ABCB5: variants seen among roughly 807,000 people sequenced by gnomAD.
ABCB5 encodes the protein ATP binding cassette subfamily B member 5.
In ABCB5, 155 loss-of-function variants were observed where a neutral mutation model predicts 144.2. That is an observed-to-expected ratio of 1.08 (90% CI 0.94 to 1.23). The LOEUF is 1.23. ABCB5 is among the 50% of genes most tolerant of loss of function. The probability of loss-of-function intolerance (pLI) is 0.00; values close to 1 mark genes in which losing one functional copy is unlikely to be tolerated. For missense variants in ABCB5, 1,830 were observed against 1,520.8 expected, an observed-to-expected ratio of 1.20 and a Z score of -3.38; for synonymous variants, 610 against 528.6, an observed-to-expected ratio of 1.15 and a Z score of -2.11.
At chr7:20,743,175 A>G (rs1040835161) in intron 25 of ABCB5, 101 bp downstream of exon 25, 76 of 1,263,440 alleles carry the variant, frequency 6.0e-5, no homozygotes, top group Non-Finnish European at 8.2e-5. Context: ...TGGGGCAAAC[A>G]ATGCAGAAGT....
At chr7:20,696,153 G>A (rs1448429305) in intron 16 of ABCB5, among the ~76,000 whole-genome samples, 7 of 152,030 alleles carry the variant, frequency 4.6e-5, no homozygotes, top group African/African-American at 1.7e-4. Context: ...GTCTAAAAGT[G>A]GGAACCACTC....
chr7:20,645,347 T>C (rs1201846087), intron 7 of ABCB5, among the ~76,000 whole-genome samples: 2 of 152,242 alleles, frequency 1.3e-5, no homozygotes, highest in African/African-American at 4.8e-5. Flanking sequence ...ATGTCTTATA[T>C]AAAATCAGCT....
intron 5 of ABCB5, among the ~76,000 whole-genome samples, chr7:20,640,438 T>A (rs1289582046): frequency 2.0e-5 from 3 of 152,178 alleles, no homozygotes; most frequent in Non-Finnish European, 2.9e-5. Context: ...ATCTCACTCC[T>A]GAATGAAACT....
Position 20,681,603 on chromosome 7 carries a change from G to A in ABCB5, c.1806G>A (p.Glu602=), listed in dbSNP as rs764301831. Residue 602 remains glutamate (E), a synonymous_variant, in exon 15 of 28, where the codon GAG becomes GAA. Transcript: ENST00000404938. ...CCCTAAAGGATGGAATGCTGGCGGAGAAAGGAGCACATGCTGAACTAATGG... is the reference window on the plus strand; with the variant it reads ...CCCTAAAGGATGGAATGCTGGCGGAAAAAGGAGCACATGCTGAACTAATGG... ...IVTLKDGMLA[E]KGAHAELMAK... 2 of 1,614,180 alleles carry A rather than the reference G, an allele frequency of 1.2e-6. No individual in the cohort carries two copies. Among genetic ancestry groups the A allele is most frequent in the South Asian group, 2.2e-5 (2 of 91,082 alleles).
intron 1 of ABCB5, among the ~76,000 whole-genome samples, chr7:20,620,105 G>C (rs1381660596): frequency 6.6e-6 from 1 of 152,156 alleles, no homozygotes; most frequent in African/African-American, 2.4e-5. Context: ...CAGGTAATGT[G>C]ATGTGTTTAG....
intron 19 of ABCB5, among the ~76,000 whole-genome samples, chr7:20,703,387 C>G (rs1388544032): frequency 1.3e-5 from 2 of 152,200 alleles, no homozygotes; most frequent in East Asian, 1.9e-4. Context: ...AGACTGTAAT[C>G]TCCATAGGAT....
At chr7:20,696,386 G>T (rs146111547) in intron 16 of ABCB5, among the ~76,000 whole-genome samples, 98 of 152,164 alleles carry the variant, frequency 6.4e-4, no homozygotes, top group African/African-American at 1.7e-3. Context: ...GTGACTGAAA[G>T]CATATCAGTA....
At chr7:20,620,883 A>G (rs1583372237) in intron 1 of ABCB5, among the ~76,000 whole-genome samples, 1 of 152,134 alleles carries the variant, frequency 6.6e-6, no homozygotes, top group Non-Finnish European at 1.5e-5. Flanking sequence ...CAGCAATTCT[A>G]CATCTAAGTA....
chr7:20,667,570 T>G, intron 14 of ABCB5: 4 of 964,188 alleles, frequency 4.1e-6, no homozygotes, highest in Non-Finnish European at 4.9e-6. Context: ...TTGAGAACTG[T>G]TGGAGAGTAT....
chr7:20,634,898 G>T (rs1396475132), intron 5 of ABCB5, among the ~76,000 whole-genome samples: 1 of 152,032 alleles, frequency 6.6e-6, no homozygotes, highest in African/African-American at 2.4e-5. Context: ...CTGTGCAGAA[G>T]CTTTTTAATT....
At chr7:20,696,532 T>C (rs1786421331) in intron 16 of ABCB5, among the ~76,000 whole-genome samples, 1 of 152,076 alleles carries the variant, frequency 6.6e-6, no homozygotes, top group African/African-American at 2.4e-5. Context: ...CCTGAGTCTG[T>C]AGCAGTGTTC....
At chr7:20,680,103 A>G (rs1785739656) in intron 14 of ABCB5, among the ~76,000 whole-genome samples, 1 of 152,246 alleles carries the variant, frequency 6.6e-6, no homozygotes, top group Non-Finnish European at 1.5e-5. Flanking sequence ...CAACTCTATA[A>G]AACCAAATGG....
chr7:20,628,730 G>T lies in ABCB5; in HGVS notation c.151G>T (p.Gly51Cys), dbSNP rs1488563319. The T allele has an allele frequency of 9.9e-6, 16 of 1,613,198 alleles. No homozygotes were observed. The highest frequency in any genetic ancestry group is 1.3e-5 in the African/African-American group (1 of 74,778). The change falls in exon 4 of 28, where the codon GGT (glycine) becomes TGT (cysteine). Residue 51 changes from glycine to cysteine, a missense_variant. By Grantham distance (159) the Gly-to-Cys change is radical (BLOSUM62 -3). Transcript: ENST00000404938. ...ACTGGACATCACACTCATGATCCTGGGTATACTGGCATCACTGGTCAATGG... is the reference window on the plus strand; with the variant it reads ...ACTGGACATCACACTCATGATCCTGTGTATACTGGCATCACTGGTCAATGG... ...DGLDITLMIL[G>C]ILASLVNGAC... is the part of the protein sequence containing the mutation.
chr7:20,669,081 C>G (rs570256678), intron 14 of ABCB5, among the ~76,000 whole-genome samples: 1 of 150,594 alleles, frequency 6.6e-6, no homozygotes, highest in Non-Finnish European at 1.5e-5. Context: ...CCTGGCCAGC[C>G]GCCCCGTCCG....
At position 20,716,363 on chromosome 7, in the gene ABCB5, C is replaced by G. The variant is rs1022895415; in HGVS notation, c.2422-6653C>G. Among the ~76,000 whole-genome samples the G allele has an allele frequency of 2.0e-5, 3 of 152,052 alleles. No homozygotes were observed. In the South Asian group the frequency reaches 6.2e-4, roughly 31 times the overall value. On this transcript the variant is annotated intron_variant, in intron 20 of 27. Coordinates refer to ENST00000404938, the MANE Select transcript of ABCB5 (RefSeq NM_001163941.2). ...TTTATATTTAAAGAACAATGAATAT[C>G]TTATTCTCAACAACACATAATTATA...
Position 20,679,714 on chromosome 7 carries a change from G to T in ABCB5, c.1708-1791G>T, listed in dbSNP as rs561260446. Among the ~76,000 whole-genome samples, 3 of 152,240 alleles carry T rather than the reference G, an allele frequency of 2.0e-5. No individual in the cohort carries two copies. In the South Asian group the frequency reaches 6.2e-4, roughly 32 times the overall value. On this transcript the variant is annotated intron_variant, in intron 14 of 27. Coordinates refer to ENST00000404938, the MANE Select transcript of ABCB5 (RefSeq NM_001163941.2). ...GTTGTTCAACTTTATTAGTCATCGAGAAAATGCAAATAAAAATATGATAGT... is the reference window on the plus strand; with the variant it reads ...GTTGTTCAACTTTATTAGTCATCGATAAAATGCAAATAAAAATATGATAGT...
At chr7:20,664,465 C>T (rs1042315998) in intron 14 of ABCB5, among the ~76,000 whole-genome samples, 20 of 152,222 alleles carry the variant, frequency 1.3e-4, no homozygotes, top group African/African-American at 4.8e-4. Flanking sequence ...TCTTCTAAGA[C>T]ATAATAAAAT....
intron 20 of ABCB5, among the ~76,000 whole-genome samples, chr7:20,711,128 T>C (rs1486474689): frequency 7.5e-6 from 1 of 133,690 alleles, no homozygotes; most frequent in Non-Finnish European, 1.6e-5. Flanking sequence ...CTTCTATATA[T>C]GTAATAAACC....
At chr7:20,692,058 A>G (rs992666126) in intron 16 of ABCB5, among the ~76,000 whole-genome samples, 10 of 152,312 alleles carry the variant, frequency 6.6e-5, no homozygotes, top group Non-Finnish European at 1.5e-4. Flanking sequence ...TCCCCAAAGG[A>G]AGTCCAAATC....
Sources: gnomAD v4.1 joint callset for allele counts (sites outside exome capture counted in the v4.1 genomes callset) on GRCh38, gnomAD v4.1.1 for gene constraint, MANE v1.5 for transcripts, NCBI Gene and HGNC (gene_info 2026-07-23, HGNC 2026-07-21) for gene names.